XPR1: variants seen among roughly 807,000 people sequenced by gnomAD.
The protein encoded by XPR1 is solute carrier family 53 member 1.
Under a neutral mutation model 87.5 loss-of-function variants are expected in XPR1, and 28 were observed. That is an observed-to-expected ratio of 0.32 (90% confidence interval 0.24 to 0.44). The LOEUF (loss-of-function observed/expected upper bound fraction) is 0.44. Among genes scored for constraint, XPR1 ranks in the 20% least tolerant of loss-of-function variants. XPR1 has a pLI of 1.00. For synonymous variants in XPR1, 300 were observed against 306.1 expected (o/e 0.98, Z 0.21); for missense variants, 559 against 862.3 (o/e 0.65, Z 4.41).
In XPR1 at chr1:180,787,361, G is replaced by A. The variant is rs148475333; in HGVS notation, c.122-392G>A. 5.2e-3 allele frequency among the ~76,000 whole-genome samples: 793 copies of A among 151,744 alleles called. 33 individuals carry two copies. The highest frequency in any genetic ancestry group is 0.044 in the Admixed American group (670 of 15,230). On this transcript the variant is annotated intron_variant, in intron 2 of 14. Transcript: ENST00000367590. ...CTGTCACCCAGGCTGGAGTGCAGTG[G>A]TGCAATCTTGGCTCACTGCAACCTC...
chr1:180,657,508 G>T (rs1205842483), intron 1 of XPR1, among the ~76,000 whole-genome samples: 1 of 152,076 alleles, frequency 6.6e-6, no homozygotes, highest in Non-Finnish European at 1.5e-5. Context: ...TTCTGCATGG[G>T]TATATCCAGT....
In XPR1 at chr1:180,863,622, GA is replaced by G. The variant is rs1652290482; in HGVS notation, c.1502-84del. On this transcript the variant is annotated intron_variant, in intron 11 of 14. Transcript: ENST00000367590. ...TTGCTTTCTTATGGAGCTATTTTAA[GA>G]ATCTGTTTTAATTAGTGTTATTAAT... is the stretch of plus-strand genomic sequence containing the variant. The G allele has an allele frequency of 2.5e-6, 3 of 1,216,278 alleles. No homozygotes were observed. The Admixed American group carries it at 7.9e-5, about 32-fold the overall frequency. 75.3% of individuals were successfully genotyped at this position (1,216,278 alleles called of 1,614,324 possible).
chr1:180,785,944 TA>T (rs1307445034), intron 2 of XPR1, among the ~76,000 whole-genome samples: 228 of 141,436 alleles, frequency 1.6e-3, no homozygotes, highest in Admixed American at 2.1e-3. Context: ...AACTCAGCTT[TA>T]AAAAAAAAAA....
chr1:180,652,265 C>T (rs1324505952), intron 1 of XPR1, among the ~76,000 whole-genome samples: 1 of 151,770 alleles, frequency 6.6e-6, no homozygotes, highest in African/African-American at 2.4e-5. Context: ...GCACTCCAGC[C>T]TAGGAGACAG....
At chr1:180,883,234 G>T (rs532540930) in intron 14 of XPR1, among the ~76,000 whole-genome samples, 1 of 150,794 alleles carries the variant, frequency 6.6e-6, no homozygotes, top group South Asian at 2.1e-4. Context: ...CCAAGGAGCT[G>T]GGATTACAGG....
At chr1:180,696,698 A>G (rs1276353888) in intron 2 of XPR1, among the ~76,000 whole-genome samples, 1 of 152,108 alleles carries the variant, frequency 6.6e-6, no homozygotes, top group African/African-American at 2.4e-5. Context: ...TTATCATGAA[A>G]GGACATTGAA....
intron 9 of XPR1, among the ~76,000 whole-genome samples, chr1:180,833,239 C>T (rs1651135881): frequency 6.6e-6 from 1 of 152,210 alleles, no homozygotes; most frequent in Non-Finnish European, 1.5e-5. Flanking sequence ...AATGTAAAGA[C>T]CATCGACAAT....
chr1:180,704,225 C>G (rs1437303326), intron 2 of XPR1, among the ~76,000 whole-genome samples: 2 of 111,844 alleles, frequency 1.8e-5, no homozygotes, highest in African/African-American at 6.6e-5. Flanking sequence ...GTATTTTTCT[C>G]AAGAACACTA....
At chr1:180,668,044 T>C (rs975786957) in intron 1 of XPR1, among the ~76,000 whole-genome samples, 3 of 151,938 alleles carry the variant, frequency 2.0e-5, no homozygotes, top group Admixed American at 6.6e-5. Context: ...CCACTTTTGG[T>C]TTCATTAATT....
intron 1 of XPR1, among the ~76,000 whole-genome samples, chr1:180,675,392 A>G (rs80248499): frequency 0.025 from 3,805 of 152,288 alleles, 155 homozygotes; most frequent in African/African-American, 0.086. Flanking sequence ...TAGAGTAGCT[A>G]CCTCTGGAGA....
intron 1 of XPR1, among the ~76,000 whole-genome samples, chr1:180,661,688 G>T (rs1655784933): frequency 6.6e-6 from 1 of 152,020 alleles, no homozygotes; most frequent in Non-Finnish European, 1.5e-5. Context: ...TGGCTAACAT[G>T]GTGAAACCCA....
chr1:180,841,302 T>C (rs746420378), intron 11 of XPR1, among the ~76,000 whole-genome samples: 2 of 152,106 alleles, frequency 1.3e-5, no homozygotes, highest in Non-Finnish European at 2.9e-5. Flanking sequence ...GTTATGTGCC[T>C]TGCTCAAGGA....
chr1:180,881,093 G>A (rs529166900), intron 14 of XPR1, among the ~76,000 whole-genome samples: 6 of 152,272 alleles, frequency 3.9e-5, no homozygotes, highest in Non-Finnish European at 8.8e-5. Context: ...GAATAATTTT[G>A]CTGAATAGAT....
In XPR1 at chr1:180,806,158, G is replaced by C. The variant is rs756965630; in HGVS notation, c.544G>C (p.Val182Leu). The C allele has an allele frequency of 3.1e-6, 5 of 1,613,484 alleles. No homozygotes were observed. The highest frequency in any genetic ancestry group is 4.2e-6 in the Non-Finnish European group (5 of 1,179,700). ...GADWRVAHVE[V>L]APFYTCKKIN... ...AGATTGGCGAGTGGCTCACGTAGAG[G>C]TGGCCCCATTTTATACATGCAAGAA... is the stretch of plus-strand genomic sequence containing the variant. The change falls in exon 5 of 15, where the codon GTG becomes CTG. Residue 182 changes from valine (V) to leucine (L), a missense_variant. Physicochemically the swap from Val to Leu is conservative, Grantham distance 32. This residue lies in a region of XPR1 where 159 missense variants were observed against 263.3 expected (regional missense o/e 0.60). Coordinates refer to ENST00000367590, the MANE Select transcript of XPR1 (RefSeq NM_004736.4).
At chr1:180,739,894 T>C (rs1658861367) in intron 2 of XPR1, among the ~76,000 whole-genome samples, 1 of 152,024 alleles carries the variant, frequency 6.6e-6, no homozygotes, top group Non-Finnish European at 1.5e-5. Flanking sequence ...GCGCTTTTGA[T>C]GGAGATGGGG....
At chr1:180,768,012 T>G (rs1469263213) in intron 2 of XPR1, among the ~76,000 whole-genome samples, 2 of 152,058 alleles carry the variant, frequency 1.3e-5, no homozygotes, top group Non-Finnish European at 2.9e-5. Context: ...TCCTGGCTAA[T>G]TTTTTGTATT....
intron 4 of XPR1, among the ~76,000 whole-genome samples, chr1:180,804,555 C>G (rs924034869): frequency 3.3e-5 from 5 of 151,910 alleles, no homozygotes; most frequent in Non-Finnish European, 7.4e-5. Context: ...TGGTTAGGAT[C>G]ATCATAGGAT....
At chr1:180,656,987 C>T (rs1452668901) in intron 1 of XPR1, among the ~76,000 whole-genome samples, 1 of 151,944 alleles carries the variant, frequency 6.6e-6, no homozygotes, top group Non-Finnish European at 1.5e-5. Flanking sequence ...TTCTCCACAT[C>T]CTTGCCAGCA....
intron 2 of XPR1, among the ~76,000 whole-genome samples, chr1:180,686,886 A>G (rs1294207919): frequency 6.6e-6 from 1 of 152,110 alleles, no homozygotes; most frequent in Non-Finnish European, 1.5e-5. Context: ...TTAAAAATGT[A>G]TTTCCTCTGA....
Sources: gnomAD v4.1 joint callset for allele counts (sites outside exome capture counted in the v4.1 genomes callset) on GRCh38, gnomAD v4.1.1 for gene constraint, gnomAD v4.1.1 regional missense constraint, MANE v1.5 for transcripts, NCBI Gene and HGNC (gene_info 2026-07-23, HGNC 2026-07-21) for gene names.